The following CAPRIN2 variants were observed in gnomAD, a reference collection of about 807,000 sequenced individuals.
The protein encoded by CAPRIN2 is caprin-2.
CAPRIN2 carries 66 observed loss-of-function variants against 130.4 expected under a neutral mutation model. That is an observed-to-expected ratio of 0.51 (90% confidence interval 0.42 to 0.62). The LOEUF (loss-of-function observed/expected upper bound fraction) is 0.62, where lower values mean the gene tolerates loss of function less well. Ranked by LOEUF, CAPRIN2 falls within the 20% of genes least tolerant of loss-of-function variation. The pLI, the probability that CAPRIN2 is intolerant of heterozygous loss-of-function variation, is 0.00. For missense variants in CAPRIN2, 1,185 were observed against 1,246.6 expected (o/e 0.95, Z 0.74); for synonymous variants, 471 against 444.1 (o/e 1.06, Z -0.76).
In CAPRIN2 at chr12:30,709,602, G is replaced by A. The variant is rs951811668; in HGVS notation, c.*300C>T. 6.8e-5 allele frequency: 16 copies of A among 236,618 alleles called. No individual in the cohort carries two copies. In the Admixed American group the frequency reaches 7.4e-4, roughly 11 times the overall value. 14.7% of individuals were successfully genotyped at this position (236,618 alleles called of 1,614,324 possible). A position where few individuals can be genotyped will look rare whatever the true frequency, so the allele number is the denominator to read the frequency against. On this transcript the variant is annotated 3_prime_UTR_variant, in exon 17 of 17. Coordinates refer to ENST00000298892, the Ensembl canonical transcript of CAPRIN2. ...ACAACAAGGCATTGTAACTTGCCTG[G>A]ACTTGAGGCAGTCAGTTTAGTAAGC...
chr12:30,735,645 A>G (rs2064399225), intron 3 of CAPRIN2, among the ~76,000 whole-genome samples: 1 of 152,234 alleles, frequency 6.6e-6, no homozygotes, highest in African/African-American at 2.4e-5. Flanking sequence ...AAGACTGGCT[A>G]AAGCATAAGG....
chr12:30,734,759 CA>C lies in CAPRIN2; in HGVS notation c.809+208del, dbSNP rs559950058. ...CATTCACATTCACTTTCCTTCCAGA[CA>C]ATCTGTCAACCCTGTCAGACTCTGG... On this transcript the variant is annotated intron_variant, in intron 4 of 16. Transcript: ENST00000298892. Among the ~76,000 whole-genome samples, 628 of 152,158 alleles carry C rather than the reference CA, an allele frequency of 4.1e-3. 2 individuals carry two copies. Among genetic ancestry groups the C allele is most frequent in the South Asian group, 0.011 (55 of 4,818 alleles).
chr12:30,714,885 G>T (rs1044974908), intron 14 of CAPRIN2, 74 bp downstream of exon 16: 4 of 1,238,232 alleles, frequency 3.2e-6, no homozygotes, highest in Non-Finnish European at 3.5e-6. Context: ...AGCAAGGTTA[G>T]GTAAAAATGG....
intron 2 of CAPRIN2, among the ~76,000 whole-genome samples, chr12:30,744,181 T>C (rs149465733): frequency 3.4e-4 from 52 of 152,288 alleles, no homozygotes; most frequent in Non-Finnish European, 5.4e-4. Context: ...TCCAGCTACT[T>C]GATTCAAGTT....
chr12:30,730,114 G>A (rs1469323115), intron 7 of CAPRIN2, 125 bp downstream of exon 8: 3 of 710,804 alleles, frequency 4.2e-6, no homozygotes, highest in African/African-American at 3.6e-5. Flanking sequence ...AAGTCCCTAA[G>A]CTAGTAAACT....
At chr12:30,741,586 T>C (rs1020509252) in intron 2 of CAPRIN2, among the ~76,000 whole-genome samples, 1 of 152,098 alleles carries the variant, frequency 6.6e-6, no homozygotes, top group Admixed American at 6.6e-5. Flanking sequence ...TGCAATGTCC[T>C]ACAGGAAATT....
intron 2 of CAPRIN2, among the ~76,000 whole-genome samples, chr12:30,743,878 G>A (rs1466139875): frequency 6.6e-6 from 1 of 151,930 alleles, no homozygotes; most frequent in Admixed American, 6.6e-5. Context: ...TTCAAGTAGC[G>A]GTCATACAGG....
chr12:30,753,849 A>G, exon 1 of CAPRIN2: 1 of 1,387,608 alleles, frequency 7.2e-7, no homozygotes, highest in East Asian at 2.3e-5. Flanking sequence ...ATGTTTCCAG[A>G]AATTCGATTT....
chr12:30,728,831 C>T lies in CAPRIN2; in HGVS notation c.1599G>A (p.Met533Ile), dbSNP rs746592903. The T allele has an allele frequency of 8.7e-6, 14 of 1,614,078 alleles. No individual in the cohort carries two copies. Among genetic ancestry groups the T allele is most frequent in the Non-Finnish European group, 1.2e-5 (14 of 1,180,030 alleles). The change falls in exon 8 of 17, where the codon ATG (methionine) becomes ATA (isoleucine). Residue 533 changes from methionine (M) to isoleucine (I), a missense_variant. This residue lies in a region of CAPRIN2 where 1,104 missense variants were observed against 1,104.3 expected (regional missense o/e 1.00). Coordinates refer to ENST00000298892, the Ensembl canonical transcript of CAPRIN2. ...GCTGTTTTGAATCCTGTTCTTCACA[C>T]ATGGGAGTGGTCCATGACTTGGTGG... is the stretch of plus-strand genomic sequence containing the variant.
chr12:30,728,625 C>T, intron 8 of CAPRIN2, 23 bp downstream of exon 9: 2 of 1,548,510 alleles, frequency 1.3e-6, no homozygotes, highest in Non-Finnish European at 1.7e-6. Context: ...CTTACAGAAG[C>T]AGAATGATAC....
intron 14 of CAPRIN2, 112 bp downstream of exon 16, chr12:30,714,847 C>A: frequency 1.3e-6 from 1 of 743,418 alleles, no homozygotes; most frequent in Non-Finnish European, 2.2e-6. Flanking sequence ...ACAGGAAATT[C>A]TCTACTACGT....
chr12:30,720,847 T>C, exon 12 of CAPRIN2: 1 of 1,613,492 alleles, frequency 6.2e-7, no homozygotes, highest in East Asian at 2.2e-5. Context: ...CTGTTTCAGA[T>C]CCAGAAGAAG....
chr12:30,727,454 G>C (rs964311685), intron 8 of CAPRIN2, among the ~76,000 whole-genome samples: 1 of 152,104 alleles, frequency 6.6e-6, no homozygotes, highest in African/African-American at 2.4e-5. Context: ...GAGGTCCAAT[G>C]GTTTATCAGA....
At chr12:30,754,043 A>C (rs2075212917) in exon 1 of CAPRIN2, 2 of 336,778 alleles carry the variant, frequency 5.9e-6, no homozygotes, top group African/African-American at 4.1e-5. Context: ...CCCTAACCTC[A>C]ATCCTGAACG....
chr12:30,718,119 T>G (rs1420691013), intron 12 of CAPRIN2, among the ~76,000 whole-genome samples: 2 of 152,204 alleles, frequency 1.3e-5, no homozygotes, highest in Non-Finnish European at 2.9e-5. Context: ...GGGACTAGTG[T>G]GACAGGTTAT....
chr12:30,739,123 A>G (rs1186794159), intron 3 of CAPRIN2, among the ~76,000 whole-genome samples: 2 of 152,196 alleles, frequency 1.3e-5, no homozygotes, highest in African/African-American at 4.8e-5. Context: ...TTACAGCACT[A>G]TTCACAAGAG....
At chr12:30,716,726 G>A in intron 12 of CAPRIN2, 50 bp from the exon 15 acceptor site, 1 of 1,562,320 alleles carries the variant, frequency 6.4e-7, no homozygotes, top group Non-Finnish European at 8.7e-7. Flanking sequence ...CAAAGAAAAT[G>A]CTTAAGGGTG....
At chr12:30,713,866 T>A in exon 15 of CAPRIN2, 1 of 1,602,722 alleles carries the variant, frequency 6.2e-7, no homozygotes, top group Non-Finnish European at 8.5e-7. Context: ...TTGAAGGGAG[T>A]CCTCTATAAG....
At chr12:30,753,310 C>G (rs949769894) in intron 1 of CAPRIN2, 34 bp downstream of exon 2, 1 of 1,524,008 alleles carries the variant, frequency 6.6e-7, no homozygotes, top group African/African-American at 1.4e-5. Flanking sequence ...TCTTTAAGAT[C>G]ATGCATCTAC....
Sources: gnomAD v4.1 joint callset for allele counts (sites outside exome capture counted in the v4.1 genomes callset) on GRCh38, gnomAD v4.1.1 for gene constraint, gnomAD v4.1.1 regional missense constraint, MANE v1.5 for transcripts, NCBI Gene and HGNC (gene_info 2026-07-23, HGNC 2026-07-21) for gene names.